Variants in RPF1 observed in about 807,000 individuals in gnomAD.
The protein encoded by RPF1 is ribosome production factor 1.
RPF1 carries 34 observed loss-of-function variants against 41.9 expected under a neutral mutation model. The observed-to-expected ratio is 0.81, with a 90% CI of 0.62 to 1.08. The LOEUF is 1.08. Ranked by LOEUF, RPF1 falls within the 50% of genes least tolerant of loss-of-function variation. The probability of loss-of-function intolerance (pLI) is 0.00; values close to 1 mark genes in which losing one functional copy is unlikely to be tolerated. For synonymous variants in RPF1, 140 were observed against 148.9 expected, an observed-to-expected ratio of 0.94 and a Z score of 0.43; for missense variants, 425 against 435.2, an observed-to-expected ratio of 0.98 and a Z score of 0.21.
intron 5 of RPF1, among the ~76,000 whole-genome samples, chr1:84,494,839 G>C (rs953894897): frequency 6.6e-6 from 1 of 152,150 alleles, no homozygotes; most frequent in East Asian, 1.9e-4. Flanking sequence ...TAAGTAAGGG[G>C]TGATCTCTTG....
chr1:84,485,018 G>C (rs1003481085), intron 3 of RPF1, among the ~76,000 whole-genome samples: 8 of 152,182 alleles, frequency 5.3e-5, no homozygotes, highest in Admixed American at 2.0e-4. Context: ...ATTTGTGATA[G>C]ATAATGAGGT....
rs1681605477 is a variant in RPF1 at position 84,479,638 on chromosome 1, C to G, written c.228+129C>G. ...CTCTGTGGCTCCGTGGGAAGGGTGG[C>G]GTCGCGGCCCACGTGTTCTGGTCCC... On this transcript the variant is annotated intron_variant, in intron 1 of 8. Transcript: ENST00000370654. 8 of 838,376 alleles carry G rather than the reference C, an allele frequency of 9.5e-6. 1 individual carries two copies. The South Asian group carries it at 1.1e-4, about 11-fold the overall frequency. The allele number at this position is 838,376 out of a possible 1,614,324, so 51.9% of individuals were successfully genotyped here. A position where few individuals can be genotyped will look rare whatever the true frequency, so the allele number is the denominator to read the frequency against.
At chr1:84,486,625 G>A (rs1000510086) in intron 3 of RPF1, among the ~76,000 whole-genome samples, 1 of 148,696 alleles carries the variant, frequency 6.7e-6, no homozygotes, top group African/African-American at 2.5e-5. Flanking sequence ...GGAAAATGAT[G>A]TGATCAGACT....
chr1:84,482,307 TC>T (rs1681664436), intron 2 of RPF1, among the ~76,000 whole-genome samples: 1 of 152,206 alleles, frequency 6.6e-6, no homozygotes, highest in African/African-American at 2.4e-5. Flanking sequence ...TGATTGCTGA[TC>T]CTAACAGTAT....
intron 3 of RPF1, among the ~76,000 whole-genome samples, chr1:84,487,287 C>G (rs187501489): frequency 3.3e-4 from 51 of 152,316 alleles, no homozygotes; most frequent in African/African-American, 1.2e-3. Flanking sequence ...TGTTCCTGCT[C>G]ATCCACATTC....
In RPF1 at chr1:84,489,708, A is replaced by G. The variant is rs963918432; in HGVS notation, c.442A>G (p.Thr148Ala). ...GACTTCTCCCAAGATTCTCATCACA[A>G]CATCAGATAGACCTCATGGGGTAAA... ...KQTSPKILIT[T>A]SDRPHGRTVR... Residue 148 changes from threonine to alanine, a missense_variant, in exon 4 of 9, where the codon ACA (threonine) becomes GCA (alanine). Physicochemically the swap from Thr to Ala is moderately conservative, Grantham distance 58. Transcript: ENST00000370654. 2 of 1,592,950 alleles carry G rather than the reference A, an allele frequency of 1.3e-6. No individual in the cohort carries two copies. Among genetic ancestry groups the G allele is most frequent in the South Asian group, 1.1e-5 (1 of 90,596 alleles).
chr1:84,488,119 C>T (rs967834748), intron 3 of RPF1, among the ~76,000 whole-genome samples: 45 of 152,178 alleles, frequency 3.0e-4, no homozygotes, highest in African/African-American at 1.0e-3. Flanking sequence ...TTCACTCCTG[C>T]CCCTAAATCC....
intron 5 of RPF1, among the ~76,000 whole-genome samples, chr1:84,491,388 AAT>A (rs1295053064): frequency 1.3e-5 from 2 of 152,190 alleles, no homozygotes; most frequent in Non-Finnish European, 2.9e-5. Context: ...TTTTATTTCT[AAT>A]ATCAGTGAAC....
At chr1:84,488,707 G>T (rs1289378277) in intron 3 of RPF1, among the ~76,000 whole-genome samples, 1 of 152,152 alleles carries the variant, frequency 6.6e-6, no homozygotes, top group East Asian at 1.9e-4. Flanking sequence ...TGAGTTAAGG[G>T]TTAAGTAAAT....
intron 2 of RPF1, among the ~76,000 whole-genome samples, chr1:84,481,280 A>G (rs553358351): frequency 6.6e-6 from 1 of 152,270 alleles, no homozygotes; most frequent in East Asian, 1.9e-4. Context: ...TATTTTTTCC[A>G]TGCACTTCTT....
intron 2 of RPF1, among the ~76,000 whole-genome samples, chr1:84,482,411 T>C (rs1448122785): frequency 6.6e-6 from 1 of 152,212 alleles, no homozygotes; most frequent in Non-Finnish European, 1.5e-5. Flanking sequence ...ATAGGGATAC[T>C]ATGTATTTCT....
At position 84,479,325 on chromosome 1, in the gene RPF1, G is replaced by A. The variant is rs1681595633; in HGVS notation, c.44G>A (p.Ser15Asn). ...AAGAGCAGCAGCAGCGGGAAGAAAAGTCTAAAACGGAAAGCCGCTGCCGAA... is the reference window on the plus strand; with the variant it reads ...AAGAGCAGCAGCAGCGGGAAGAAAAATCTAAAACGGAAAGCCGCTGCCGAA... ...GDKSSSSGKKSLKRKAAAEEL... is the reference protein window; with the variant it reads ...GDKSSSSGKKNLKRKAAAEEL... Residue 15 changes from serine to asparagine, a missense_variant, in exon 1 of 9, where the codon AGT becomes AAT. By Grantham distance (46) the Ser-to-Asn change is conservative (BLOSUM62 1). Coordinates refer to ENST00000370654, the MANE Select transcript of RPF1 (RefSeq NM_025065.7). The A allele has an allele frequency of 6.2e-7, 1 of 1,611,838 alleles. No individual in the cohort carries two copies. The highest frequency in any genetic ancestry group is 1.1e-5 in the South Asian group (1 of 90,978).
chr1:84,497,275 AGACT>A (rs1427747222), intron 8 of RPF1, among the ~76,000 whole-genome samples, 150 bp from the exon 9 acceptor site: 1 of 151,802 alleles, frequency 6.6e-6, no homozygotes, highest in Non-Finnish European at 1.5e-5. Flanking sequence ...ATTAGACCGA[AGACT>A]GACTATTCGG....
intron 3 of RPF1, among the ~76,000 whole-genome samples, chr1:84,485,343 C>T (rs1423094942): frequency 6.6e-6 from 1 of 152,214 alleles, no homozygotes; most frequent in Non-Finnish European, 1.5e-5. Flanking sequence ...AGGCGATCCT[C>T]CCACCTTGGC....
At chr1:84,494,649 G>GTT (rs1412866157) in intron 5 of RPF1, among the ~76,000 whole-genome samples, 1 of 152,224 alleles carries the variant, frequency 6.6e-6, no homozygotes, top group African/African-American at 2.4e-5. Context: ...AGCAACCTTA[G>GTT]TTTGCAGCAC....
chr1:84,495,349 GT>G (rs778365183), intron 5 of RPF1, 23 bp from the exon 6 acceptor site: 1 of 1,118,410 alleles, frequency 8.9e-7, no homozygotes, highest in East Asian at 2.4e-5. Flanking sequence ...AGTTCAATGT[GT>G]TTTTCTTAAC....
rs771251607 is a variant in RPF1 at position 84,483,010 on chromosome 1, CTTAAA to C, written c.366+19_366+23del. ...ATGATGAAGAGGTAATGTTAGAAGT[CTTAAA>C]TTAGTTTGAATGATCACATATAATT... is the stretch of plus-strand genomic sequence containing the variant. On this transcript the variant is annotated intron_variant, in intron 3 of 8. Transcript: ENST00000370654. The C allele has an allele frequency of 1.5e-4, 223 of 1,459,020 alleles. No homozygotes were observed. Among genetic ancestry groups the C allele is most frequent in the Non-Finnish European group, 2.0e-4 (210 of 1,039,234 alleles). The allele number at this position is 1,459,020 out of a possible 1,614,324, so 90.4% of individuals were successfully genotyped here. A position where few individuals can be genotyped will look rare whatever the true frequency, so the allele number is the denominator to read the frequency against.
chr1:84,489,775 T>C (rs769138619), intron 4 of RPF1, 47 bp downstream of exon 4: 2 of 1,068,370 alleles, frequency 1.9e-6, no homozygotes, highest in Non-Finnish European at 2.9e-6. Flanking sequence ...ATTTTCTTAT[T>C]ACTTCTATTT....
intron 1 of RPF1, among the ~76,000 whole-genome samples, chr1:84,480,049 T>C (rs560731867): frequency 2.0e-5 from 3 of 152,238 alleles, no homozygotes; most frequent in Admixed American, 6.5e-5. Context: ...TTTAAACGAC[T>C]TGTCAAGGTC....
Sources: gnomAD v4.1 joint callset for allele counts (sites outside exome capture counted in the v4.1 genomes callset) on GRCh38, gnomAD v4.1.1 for gene constraint, MANE v1.5 for transcripts, NCBI Gene and HGNC (gene_info 2026-07-23, HGNC 2026-07-21) for gene names.